Variants in DLG2 observed in about 807,000 individuals in gnomAD.
DLG2 encodes disks large homolog 2.
In DLG2, 45 loss-of-function variants were observed where a neutral mutation model predicts 132.5. The observed-to-expected ratio is 0.34, with a 90% CI of 0.27 to 0.44. The LOEUF (loss-of-function observed/expected upper bound fraction) is 0.44. DLG2 is among the 20% of genes least tolerant of loss of function. The probability of loss-of-function intolerance (pLI) is 1.00; values close to 1 mark genes in which losing one functional copy is unlikely to be tolerated. For synonymous variants in DLG2, 424 were observed against 419.6 expected (o/e 1.01, Z -0.13); for missense variants, 1,045 against 1,196.9 (o/e 0.87, Z 1.87).
At chr11:85,058,098 C>A (rs1262778687) in intron 6 of DLG2, among the ~76,000 whole-genome samples, 1 of 150,982 alleles carries the variant, frequency 6.6e-6, no homozygotes, top group South Asian at 2.1e-4. Flanking sequence ...TAGAAGAGAC[C>A]AAATAAAACT....
At chr11:84,420,650 C>CTTTTTTTTTTT (rs768420271) in intron 7 of DLG2, among the ~76,000 whole-genome samples, 621 of 42,236 alleles carry the variant, frequency 0.015, 271 homozygotes, top group East Asian at 0.039. Flanking sequence ...TGCTTGTTTT[C>CTTTTTTTTTTT]TTTTTTTTTT....
chr11:85,276,009 A>C (rs1475604599), intron 4 of DLG2, among the ~76,000 whole-genome samples: 1 of 152,220 alleles, frequency 6.6e-6, no homozygotes, highest in Admixed American at 6.5e-5. Flanking sequence ...CTCTCCATGG[A>C]CGGAGTCTAA....
intron 4 of DLG2, among the ~76,000 whole-genome samples, chr11:85,204,030 A>C (rs1436989799): frequency 1.3e-5 from 2 of 152,162 alleles, no homozygotes; most frequent in African/African-American, 4.8e-5. Context: ...TAGAAGGAGC[A>C]TACTTTTAAA....
intron 11 of DLG2, among the ~76,000 whole-genome samples, chr11:84,016,800 A>G (rs1289499080): frequency 6.6e-6 from 1 of 152,120 alleles, no homozygotes; most frequent in Non-Finnish European, 1.5e-5. Flanking sequence ...ATCAAGTAAA[A>G]CATTCCCAAG....
intron 19 of DLG2, among the ~76,000 whole-genome samples, chr11:83,570,036 C>T (rs2096772338): frequency 6.6e-6 from 1 of 152,330 alleles, no homozygotes; most frequent in Middle Eastern, 3.4e-3. Context: ...GAAGTTAAAC[C>T]TATGGCTGGT....
chr11:84,605,662 C>T (rs2099584284), intron 6 of DLG2, among the ~76,000 whole-genome samples: 1 of 151,118 alleles, frequency 6.6e-6, no homozygotes, highest in South Asian at 2.1e-4. Context: ...ATCTGTAATA[C>T]CATGTAATCC....
intron 6 of DLG2, among the ~76,000 whole-genome samples, chr11:84,700,420 A>T (rs2059101488): frequency 6.6e-6 from 1 of 151,642 alleles, no homozygotes; most frequent in South Asian, 2.1e-4. Flanking sequence ...ACATTTTGAG[A>T]ACGCTTTCTA....
At chr11:85,166,152 A>C (rs1275807244) in intron 4 of DLG2, among the ~76,000 whole-genome samples, 2 of 152,060 alleles carry the variant, frequency 1.3e-5, no homozygotes, top group Admixed American at 1.3e-4. Context: ...CTATATTCAG[A>C]AACATCTCTC....
intron 6 of DLG2, among the ~76,000 whole-genome samples, chr11:84,558,727 G>A (rs1249208635): frequency 6.6e-6 from 1 of 152,134 alleles, no homozygotes; most frequent in Non-Finnish European, 1.5e-5. Context: ...TCAGGGCATA[G>A]TCCACCTACG....
chr11:85,418,071 A>T (rs910896273), intron 3 of DLG2, among the ~76,000 whole-genome samples: 1 of 152,180 alleles, frequency 6.6e-6, no homozygotes, highest in Admixed American at 6.5e-5. Flanking sequence ...TCCTGTGGAC[A>T]TTTAGTGCTA....
intron 3 of DLG2, among the ~76,000 whole-genome samples, chr11:85,576,710 A>G (rs1277707720): frequency 6.6e-6 from 1 of 152,202 alleles, no homozygotes; most frequent in African/African-American, 2.4e-5. Flanking sequence ...AGTGAACAAG[A>G]CAACCAAGTT....
At chr11:85,286,957 A>C (rs1426945231) in intron 3 of DLG2, among the ~76,000 whole-genome samples, 1 of 152,096 alleles carries the variant, frequency 6.6e-6, no homozygotes, top group Non-Finnish European at 1.5e-5. Flanking sequence ...ACCACATGAA[A>C]GAGCTGCCAA....
chr11:84,535,247 A>G (rs2099352566), intron 6 of DLG2, among the ~76,000 whole-genome samples: 1 of 152,230 alleles, frequency 6.6e-6, no homozygotes, highest in African/African-American at 2.4e-5. Context: ...TATTTGTATT[A>G]GACTCAAAGA....
intron 6 of DLG2, among the ~76,000 whole-genome samples, chr11:85,079,484 ATTTT>A (rs35913627): frequency 2.0e-4 from 27 of 137,628 alleles, no homozygotes; most frequent in Admixed American, 2.2e-4. Flanking sequence ...GAGGCTTAGA[ATTTT>A]TTTTTTTTTT....
chr11:83,558,086 T>TG (rs1361841789), intron 19 of DLG2, among the ~76,000 whole-genome samples: 2 of 152,214 alleles, frequency 1.3e-5, no homozygotes, highest in Non-Finnish European at 2.9e-5. Context: ...TGTGGGTTTC[T>TG]GTAATTTCTT....
At chr11:83,634,189 C>A (rs1338252140) in intron 18 of DLG2, among the ~76,000 whole-genome samples, 1 of 151,806 alleles carries the variant, frequency 6.6e-6, no homozygotes, top group Non-Finnish European at 1.5e-5. Context: ...TGCCCACATG[C>A]CAAATTTTAG....
chr11:85,324,316 C>G (rs560351665), intron 3 of DLG2, among the ~76,000 whole-genome samples: 1 of 152,226 alleles, frequency 6.6e-6, no homozygotes, highest in East Asian at 1.9e-4. Flanking sequence ...TTCTATCTAG[C>G]TTTCCTGCTA....
At chr11:85,274,626 C>G (rs2077770008) in intron 4 of DLG2, among the ~76,000 whole-genome samples, 1 of 152,136 alleles carries the variant, frequency 6.6e-6, no homozygotes, top group Non-Finnish European at 1.5e-5. Context: ...TGAACTTGTA[C>G]TCTGCTGTCT....
intron 8 of DLG2, among the ~76,000 whole-genome samples, chr11:84,188,576 C>G (rs1293519563): frequency 6.6e-6 from 1 of 152,024 alleles, no homozygotes; most frequent in African/African-American, 2.4e-5. Context: ...TGAATTTTCC[C>G]AAGATTGCAA....
Sources: gnomAD v4.1 joint callset for allele counts (sites outside exome capture counted in the v4.1 genomes callset) on GRCh38, gnomAD v4.1.1 for gene constraint, MANE v1.5 for transcripts, NCBI Gene and HGNC (gene_info 2026-07-23, HGNC 2026-07-21) for gene names.